The following C6orf141 variants were observed in gnomAD, a reference collection of about 807,000 sequenced individuals.
C6orf141 encodes the protein uncharacterized protein C6orf141.
For synonymous variants in C6orf141, 164 were observed against 140.5 expected, an observed-to-expected ratio of 1.17 and a Z score of -1.18; for missense variants, 361 against 335.8, an observed-to-expected ratio of 1.07 and a Z score of -0.59.
At chr6:49,555,039 C>A (rs577508170), downstream of C6orf141, 2 of 152,258 alleles carry the variant, frequency 1.3e-5, no homozygotes, top group African/African-American at 4.8e-5. Context: ...TACCTCTACT[C>A]CTCTGAAAAA....
At chr6:49,554,451 G>A (rs747774433), downstream of C6orf141, among the ~76,000 whole-genome samples, 21 of 152,162 alleles carry the variant, frequency 1.4e-4, no homozygotes, top group Non-Finnish European at 2.9e-4. Context: ...CACGATCTCT[G>A]CTCACTCCAA....
downstream of C6orf141, chr6:49,554,972 G>T (rs1771515000): frequency 1.3e-5 from 2 of 152,160 alleles, no homozygotes; most frequent in South Asian, 4.1e-4. Context: ...AGTGAAACTT[G>T]GGCATCCTCA....
chr6:49,554,482 A>G (rs943473638), downstream of C6orf141, among the ~76,000 whole-genome samples: 3 of 152,104 alleles, frequency 2.0e-5, no homozygotes, highest in African/African-American at 7.2e-5. Flanking sequence ...CCATGTTCAC[A>G]CCATTCTCCT....
At chr6:49,558,381 T>A (rs1216432101) in intron 4 of C6orf141, among the ~76,000 whole-genome samples, 1 of 138,114 alleles carries the variant, frequency 7.2e-6, no homozygotes, top group Non-Finnish European at 1.5e-5. Flanking sequence ...AGTTTAGGGA[T>A]TTCTCAGGTA....
At chr6:49,557,056 C>T (rs558157652), downstream of C6orf141, among the ~76,000 whole-genome samples, 171 of 152,284 alleles carry the variant, frequency 1.1e-3, 1 homozygote, top group African/African-American at 4.0e-3. Context: ...GAGTTCAAGA[C>T]TAGCCTGACC....
chr6:49,555,647 T>C (rs1290519233), downstream of C6orf141, among the ~76,000 whole-genome samples: 1 of 152,032 alleles, frequency 6.6e-6, no homozygotes, highest in Non-Finnish European at 1.5e-5. Context: ...CAGCCGGGAC[T>C]ACAGGCGCTC....
chr6:49,554,240 T>G (rs1311249753), downstream of C6orf141, among the ~76,000 whole-genome samples: 1 of 152,200 alleles, frequency 6.6e-6, no homozygotes, highest in Non-Finnish European at 1.5e-5. Context: ...CAGGTTAGTT[T>G]GTTTTCCCTC....
downstream of C6orf141, among the ~76,000 whole-genome samples, chr6:49,554,662 C>T (rs1205785284): frequency 7.9e-5 from 12 of 151,952 alleles, no homozygotes; most frequent in Admixed American, 7.9e-4. Context: ...GATTACAGGC[C>T]TGAGCCACCA....
Position 49,551,821 on chromosome 6 carries a change from T to C in C6orf141, c.*294T>C. 1 of 1,259,808 alleles carries C rather than the reference T, an allele frequency of 7.9e-7. No homozygotes were observed. Among genetic ancestry groups the C allele is most frequent in the African/African-American group, 1.5e-5 (1 of 64,884 alleles). 78.0% of individuals were successfully genotyped at this position (1,259,808 alleles called of 1,614,324 possible). A position where few individuals can be genotyped will look rare whatever the true frequency, so the allele number is the denominator to read the frequency against. The stretch of plus-strand genomic sequence containing the variant: ...AGAAAACCTGTTGTTAATTTGCATT[T>C]TGGAATAACTCTCAATTGATCTCTT... On this transcript the variant is annotated 3_prime_UTR_variant, in exon 1 of 1. Coordinates refer to ENST00000529246, the MANE Select transcript of C6orf141 (RefSeq NM_001145652.2).
At chr6:49,560,516 TCTG>T (rs1234989004) in intron 4 of C6orf141, 4 of 152,228 alleles carry the variant, frequency 2.6e-5, no homozygotes, top group African/African-American at 9.7e-5. Flanking sequence ...TAAAAGTCTT[TCTG>T]CTTTCTTTTT....
At position 49,551,626 on chromosome 6, in the gene C6orf141, G is replaced by C; in HGVS notation, c.*99G>C. On this transcript the variant is annotated 3_prime_UTR_variant, in exon 1 of 1. Transcript: ENST00000529246. ...CCAACCTGCAATTAACCTACAGAAG[G>C]AACCTTTTGAGAGGCTGGTGCAGCG... 6.7e-7 allele frequency: 1 copy of C among 1,503,018 alleles called. No homozygotes were observed. The highest frequency in any genetic ancestry group is 1.3e-5 in the South Asian group (1 of 76,002). 93.1% of individuals were successfully genotyped at this position (1,503,018 alleles called of 1,614,324 possible).
chr6:49,551,422 T>C lies in C6orf141; in HGVS notation c.630T>C (p.Ala210=). 6.4e-7 allele frequency: 1 copy of C among 1,551,628 alleles called. No individual in the cohort carries two copies. ...AGCCTGGGGAACGCTGGGGCCCTGC[T>C]GAATCCCGGGCTCTCCAGGCACGAA... ...EGQPGERWGP[A]ESRALQARTG... The change falls in exon 1 of 1, where the codon GCT becomes GCC. Residue 210 remains alanine (A), a synonymous_variant. Coordinates refer to ENST00000529246, the MANE Select transcript of C6orf141 (RefSeq NM_001145652.2).
chr6:49,558,473 C>T lies in C6orf141; in HGVS notation c.*764-3231C>T, dbSNP rs545239482. On this transcript the variant is annotated intron_variant and NMD_transcript_variant, in intron 4 of 4. Transcript: ENST00000371194. Reference sequence around the variant, plus strand: ...ACTGACCAAGTCCTGACCTTTTGAGCTGATTGCTCCAGAGGCTGTGTTTTG... The same window carrying T: ...ACTGACCAAGTCCTGACCTTTTGAGTTGATTGCTCCAGAGGCTGTGTTTTG... Among the ~76,000 whole-genome samples the T allele has an allele frequency of 3.3e-5, 5 of 150,804 alleles. No individual in the cohort carries two copies. In the East Asian group the frequency reaches 9.8e-4, roughly 30 times the overall value.
At chr6:49,552,810 G>A (rs1041634640), downstream of C6orf141, among the ~76,000 whole-genome samples, 8 of 152,280 alleles carry the variant, frequency 5.3e-5, no homozygotes, top group African/African-American at 1.7e-4. Context: ...TGCTTACTAA[G>A]TGGATGAAGA....
rs1043722364 is a variant in C6orf141, at chr6:49,551,926, G to A, written c.*399G>A. On this transcript the variant is annotated 3_prime_UTR_variant, in exon 1 of 1. Coordinates refer to ENST00000529246, the MANE Select transcript of C6orf141 (RefSeq NM_001145652.2). The stretch of plus-strand genomic sequence containing the variant: ...GTTTGAAGTCTGCTCTCTGCAAAGA[G>A]GGTGGGAGTGGGTGGAGAAGAGGCT... 3.2e-5 allele frequency: 33 copies of A among 1,039,540 alleles called. No homozygotes were observed. In the African/African-American group the frequency reaches 5.5e-4, roughly 17 times the overall value. The allele number at this position is 1,039,540 out of a possible 1,614,324, so 64.4% of individuals were successfully genotyped here. A position where few individuals can be genotyped will look rare whatever the true frequency, so the allele number is the denominator to read the frequency against.
At chr6:49,555,109 T>G (rs1771545418), downstream of C6orf141, 1 of 152,208 alleles carries the variant, frequency 6.6e-6, no homozygotes, top group Non-Finnish European at 1.5e-5. Context: ...CAGAAGCCAC[T>G]CCAGTGACCA....
In C6orf141 at chr6:49,551,017, C is replaced by A; in HGVS notation, c.225C>A (p.Ala75=). 6.4e-7 allele frequency: 1 copy of A among 1,551,264 alleles called. No individual in the cohort carries two copies. The highest frequency in any genetic ancestry group is 8.7e-7 in the Non-Finnish European group (1 of 1,146,924). The change falls in exon 1 of 1, where the codon GCC becomes GCA. Residue 75 remains alanine, a synonymous_variant. Transcript: ENST00000529246. ...CAGATCGGGCCCTCGGACCTCGGGC[C>A]GGGGAGGAATTGGACCGTGAGTCCT... ...RTADRALGPR[A]GEELDRESWV...
At chr6:49,560,093 C>T (rs1378595841) in intron 4 of C6orf141, among the ~76,000 whole-genome samples, 1 of 152,152 alleles carries the variant, frequency 6.6e-6, no homozygotes, top group African/African-American at 2.4e-5. Flanking sequence ...GTGGGTGGAT[C>T]ACCTGAGGTC....
downstream of C6orf141, chr6:49,552,351 C>T (rs1427140863): frequency 1.3e-5 from 2 of 152,162 alleles, no homozygotes; most frequent in African/African-American, 4.8e-5. Context: ...ATTGAAGATA[C>T]CATTCTCCTT....
Sources: gnomAD v4.1 joint callset for allele counts (sites outside exome capture counted in the v4.1 genomes callset) on GRCh38, gnomAD v4.1.1 for gene constraint, MANE v1.5 for transcripts, NCBI Gene and HGNC (gene_info 2026-07-23, HGNC 2026-07-21) for gene names.